AVL9: variants seen among roughly 807,000 people sequenced by gnomAD.
The protein encoded by AVL9 is late secretory pathway protein AVL9 homolog.
In AVL9, 49 loss-of-function variants were observed where a neutral mutation model predicts 79.2. The ratio of observed to expected loss-of-function variants is 0.62; its 90% CI spans 0.49 to 0.79. AVL9 has a LOEUF of 0.79. AVL9 is among the 30% of genes least tolerant of loss of function. AVL9 has a pLI of 0.00. For missense variants in AVL9, 682 were observed against 776.8 expected (o/e 0.88, Z 1.45); for synonymous variants, 299 against 280.6 (o/e 1.07, Z -0.65).
intron 1 of AVL9, among the ~76,000 whole-genome samples, chr7:32,517,155 G>T (rs1353056122): frequency 6.6e-6 from 1 of 152,094 alleles, no homozygotes; most frequent in Non-Finnish European, 1.5e-5. Context: ...TTGTGTGAGG[G>T]TGTATGTGTG....
Position 32,516,766 on chromosome 7 carries a change from TAA to T in AVL9, c.93+20980_93+20981del, listed in dbSNP as rs33970150. Among the ~76,000 whole-genome samples, 193 of 134,368 alleles carry T rather than the reference TAA, an allele frequency of 1.4e-3. 1 individual carries two copies. The highest frequency in any genetic ancestry group is 3.9e-3 in the Middle Eastern group (1 of 256). 88.2% of individuals were successfully genotyped at this position (134,368 alleles called of 152,430 possible). The stretch of plus-strand genomic sequence containing the variant: ...CCCATTCCACTAAACCCTAGGCCTT[TAA>T]AAAAAAAAAAAAAAAGGTGGGAAAC... On this transcript the variant is annotated intron_variant, in intron 1 of 15. Transcript: ENST00000318709.
chr7:32,523,299 A>G (rs1216522466), intron 1 of AVL9, among the ~76,000 whole-genome samples: 1 of 151,756 alleles, frequency 6.6e-6, no homozygotes, highest in Non-Finnish European at 1.5e-5. Context: ...AGAGTTTATC[A>G]TGAGAAAGCT....
intron 1 of AVL9, 72 bp downstream of exon 1, chr7:32,495,874 T>G: frequency 5.0e-6 from 5 of 996,794 alleles, no homozygotes; most frequent in Non-Finnish European, 6.6e-6. Context: ...CTGCCCTGCT[T>G]CTGTGTGCTC....
At chr7:32,567,184 C>T (rs1790620873) in intron 10 of AVL9, among the ~76,000 whole-genome samples, 3 of 152,108 alleles carry the variant, frequency 2.0e-5, no homozygotes, top group African/African-American at 7.2e-5. Context: ...TCACTGCAGC[C>T]TTGACCTCCT....
rs1791851218 is a variant in AVL9, at chr7:32,587,538, A to T, written c.*3631A>T. Reference sequence around the variant, plus strand: ...AACTAACCTGCGTCAGCAGTTGCAGAAAGTAGCCTGTTAGGACAGCAGCTG... The same window carrying T: ...AACTAACCTGCGTCAGCAGTTGCAGTAAGTAGCCTGTTAGGACAGCAGCTG... On this transcript the variant is annotated 3_prime_UTR_variant, in exon 16 of 16. Transcript: ENST00000318709. The T allele has an allele frequency of 6.6e-6, 1 of 152,282 alleles. No individual in the cohort carries two copies. Among genetic ancestry groups the T allele is most frequent in the Admixed American group, 6.5e-5 (1 of 15,284 alleles). 9.4% of individuals were successfully genotyped at this position (152,282 alleles called of 1,614,324 possible).
At chr7:32,553,640 C>A in intron 6 of AVL9, 87 bp from the exon 7 acceptor site, 4 of 883,018 alleles carry the variant, frequency 4.5e-6, no homozygotes, top group South Asian at 3.5e-5. Flanking sequence ...TTTTTTTAAC[C>A]TTTCTTTCTG....
At chr7:32,561,402 T>C (rs1009119222) in intron 10 of AVL9, among the ~76,000 whole-genome samples, 3 of 152,262 alleles carry the variant, frequency 2.0e-5, no homozygotes, top group Non-Finnish European at 4.4e-5. Flanking sequence ...TTTTATGTTA[T>C]AGAGACGGCT....
chr7:32,561,721 T>C (rs1790341909), intron 10 of AVL9, among the ~76,000 whole-genome samples: 1 of 145,852 alleles, frequency 6.9e-6, no homozygotes, highest in Non-Finnish European at 1.5e-5. Context: ...CATCGACAAC[T>C]TGGCTAACTG....
intron 1 of AVL9, among the ~76,000 whole-genome samples, chr7:32,540,929 C>G (rs375728357): frequency 9.3e-6 from 1 of 107,100 alleles, no homozygotes; most frequent in African/African-American, 3.5e-5. Flanking sequence ...GACGGAGTCT[C>G]GCTCTGTCGC....
At chr7:32,511,742 G>A (rs952242802) in intron 1 of AVL9, among the ~76,000 whole-genome samples, 3 of 152,024 alleles carry the variant, frequency 2.0e-5, no homozygotes, top group Non-Finnish European at 4.4e-5. Context: ...CAGCTTGGAC[G>A]GTCCTGGAGA....
At chr7:32,520,051 C>T (rs541729079) in intron 1 of AVL9, among the ~76,000 whole-genome samples, 1 of 152,344 alleles carries the variant, frequency 6.6e-6, no homozygotes, top group East Asian at 1.9e-4. Context: ...CACCAGGTCC[C>T]TCCCCTGACA....
intron 1 of AVL9, among the ~76,000 whole-genome samples, chr7:32,503,635 G>A (rs1787278472): frequency 6.7e-6 from 1 of 149,236 alleles, no homozygotes; most frequent in East Asian, 2.0e-4. Flanking sequence ...TGTGCTCATT[G>A]TCACAGGGTA....
chr7:32,517,762 A>G (rs1005466983), intron 1 of AVL9, among the ~76,000 whole-genome samples: 5 of 151,684 alleles, frequency 3.3e-5, no homozygotes, highest in Non-Finnish European at 7.4e-5. Flanking sequence ...TGGCATAAGC[A>G]TTATTAAACT....
At chr7:32,561,972 C>CA (rs1191976731) in intron 10 of AVL9, among the ~76,000 whole-genome samples, 2 of 152,160 alleles carry the variant, frequency 1.3e-5, no homozygotes, top group African/African-American at 4.8e-5. Context: ...TCAGAACACA[C>CA]ACAACATTTA....
chr7:32,584,140 G>T lies in AVL9; in HGVS notation c.*233G>T. 1.8e-6 allele frequency: 1 copy of T among 560,280 alleles called. No individual in the cohort carries two copies. The highest frequency in any genetic ancestry group is 3.3e-6 in the Non-Finnish European group (1 of 303,742). 34.7% of individuals were successfully genotyped at this position (560,280 alleles called of 1,614,324 possible). On this transcript the variant is annotated 3_prime_UTR_variant, in exon 16 of 16. Coordinates refer to ENST00000318709, the MANE Select transcript of AVL9 (RefSeq NM_015060.3). The stretch of plus-strand genomic sequence containing the variant: ...ATTGACTACTTTTATTTCAGTCTGA[G>T]CCTGATTAAAACATACAGTGAACCT...
intron 1 of AVL9, among the ~76,000 whole-genome samples, chr7:32,526,305 C>T (rs1324690412): frequency 3.9e-5 from 6 of 152,208 alleles, no homozygotes; most frequent in Admixed American, 2.0e-4. Flanking sequence ...GCAGTCAGAT[C>T]TCCTTCAGAG....
At chr7:32,543,447 C>T (rs1276351809) in intron 2 of AVL9, among the ~76,000 whole-genome samples, 186 bp downstream of exon 2, 1 of 152,244 alleles carries the variant, frequency 6.6e-6, no homozygotes, top group African/African-American at 2.4e-5. Context: ...GCCAGGCTTA[C>T]ATTGGCTGTG....
chr7:32,579,896 TTGA>T (rs1562802878), intron 13 of AVL9, among the ~76,000 whole-genome samples: 1 of 151,670 alleles, frequency 6.6e-6, no homozygotes, highest in African/African-American at 2.4e-5. Context: ...AAAAAATGTG[TTGA>T]TGTTTGAGCC....
Position 32,584,117 on chromosome 7 carries a change from T to G in AVL9, c.*210T>G. 1 of 604,522 alleles carries G rather than the reference T, an allele frequency of 1.7e-6. No individual in the cohort carries two copies. Among genetic ancestry groups the G allele is most frequent in the South Asian group, 1.9e-5 (1 of 52,942 alleles). 37.4% of individuals were successfully genotyped at this position (604,522 alleles called of 1,614,324 possible). A position where few individuals can be genotyped will look rare whatever the true frequency, so the allele number is the denominator to read the frequency against. ...TGGCTTTCCAGGTTGGGGTTTCAAT[T>G]GACTACTTTTATTTCAGTCTGAGCC... On this transcript the variant is annotated 3_prime_UTR_variant, in exon 16 of 16. Coordinates refer to ENST00000318709, the MANE Select transcript of AVL9 (RefSeq NM_015060.3).
Sources: gnomAD v4.1 joint callset for allele counts (sites outside exome capture counted in the v4.1 genomes callset) on GRCh38, gnomAD v4.1.1 for gene constraint, MANE v1.5 for transcripts, NCBI Gene and HGNC (gene_info 2026-07-23, HGNC 2026-07-21) for gene names.